NOTCH3: variants seen among roughly 807,000 people sequenced by gnomAD.
NOTCH3 encodes the protein neurogenic locus notch homolog protein 3.
NOTCH3 carries 86 observed loss-of-function variants against 213.3 expected under a neutral mutation model. That is an observed-to-expected ratio of 0.40 (90% confidence interval 0.34 to 0.48). The LOEUF (loss-of-function observed/expected upper bound fraction) is 0.48, where lower values mean the gene tolerates loss of function less well. Ranked by LOEUF, NOTCH3 falls within the 20% of genes least tolerant of loss-of-function variation. The pLI is 0.57. For synonymous variants in NOTCH3, 1,354 were observed against 1,355.9 expected (o/e 1.00, Z 0.03); for missense variants, 2,783 against 3,272.6 (o/e 0.85, Z 3.65).
chr19:15,183,691 G>A (rs766607340), intron 16 of NOTCH3, among the ~76,000 whole-genome samples: 6 of 152,058 alleles, frequency 3.9e-5, no homozygotes, highest in Non-Finnish European at 1.5e-5. Flanking sequence ...GAGCCACCTC[G>A]CCCGGCCTCT....
Position 15,188,014 on chromosome 19 carries a change from G to A in NOTCH3, c.1493-20C>T, listed in dbSNP as rs949781526. 3 of 1,536,518 alleles carry A rather than the reference G, an allele frequency of 2.0e-6. No individual in the cohort carries two copies. Among genetic ancestry groups the A allele is most frequent in the South Asian group, 1.2e-5 (1 of 83,716 alleles). On this transcript the variant is annotated intron_variant, in intron 9 of 32. Coordinates refer to ENST00000263388, the MANE Select transcript of NOTCH3 (RefSeq NM_000435.3). The stretch of plus-strand genomic sequence containing the variant: ...TGAAGCCTGGGGTGGGGAGTGGGAT[G>A]AGCAGAGGCCCAGAAAGGGTGAGAG...
At chr19:15,176,554 G>A (rs936463151) in intron 24 of NOTCH3, among the ~76,000 whole-genome samples, 6 of 151,912 alleles carry the variant, frequency 3.9e-5, no homozygotes, top group Non-Finnish European at 8.8e-5. Flanking sequence ...TTGAGCTCAG[G>A]TGTTCAAGAC....
chr19:15,169,190 CT>C, intron 28 of NOTCH3, among the ~76,000 whole-genome samples: 1 of 2,772 alleles, frequency 3.6e-4, no homozygotes, highest in African/African-American at 1.2e-3. Flanking sequence ...AAATCTGTCT[CT>C]CTCTCTCTCT....
Position 15,181,712 on chromosome 19 carries a change from G to C in NOTCH3, c.2656C>G (p.Arg886Gly). The C allele has an allele frequency of 1.3e-6, 2 of 1,568,822 alleles. No individual in the cohort carries two copies. The highest frequency in any genetic ancestry group is 1.7e-6 in the Non-Finnish European group (2 of 1,156,378). ...TTGCTCAGGCACTCATCCACATCGC[G>C]GGCGCATCGTGGGCCGGCGAAACCA... Reference protein sequence around the residue: ...LPGFAGPRCARDVDECLSNPC... With the variant: ...LPGFAGPRCAGDVDECLSNPC... The change falls in exon 17 of 33, where the codon CGC (arginine) becomes GGC (glycine). Residue 886 changes from arginine (R) to glycine (G), a missense_variant. Arg to Gly is a moderately radical substitution (Grantham distance 125). Transcript: ENST00000263388.
intron 2 of NOTCH3, among the ~76,000 whole-genome samples, chr19:15,194,623 G>A (rs1351608869): frequency 2.6e-5 from 4 of 152,086 alleles, no homozygotes; most frequent in African/African-American, 9.7e-5. Context: ...GGCTTTCTGG[G>A]GAACGGCATT....
chr19:15,178,474 T>A, intron 23 of NOTCH3: 1 of 447,310 alleles, frequency 2.2e-6, no homozygotes, highest in Non-Finnish European at 4.2e-6. Flanking sequence ...AACCTCCGCC[T>A]CCCGGGTTCA....
chr19:15,187,881 C>G lies in NOTCH3; in HGVS notation c.1606G>C (p.Gly536Arg), dbSNP rs1310346708. The G allele has an allele frequency of 6.5e-7, 1 of 1,548,546 alleles. No homozygotes were observed. ...PDGYECRCAE[G>R]FEGTLCDRNV... The stretch of plus-strand genomic sequence containing the variant: ...TCGGACTGTCATTGGCCCGCCTCAC[C>G]CTCGGCACAGCGGCACTCGTAGCCA... Residue 536 changes from glycine to arginine, a missense_variant and splice_region_variant, in exon 10 of 33, where the codon GGC (glycine) becomes CGC (arginine). Gly to Arg is a moderately radical substitution (Grantham distance 125, BLOSUM62 -2). Around this residue, in one of 6 missense-constraint regions of NOTCH3, gnomAD observed 708 missense variants for 906.6 expected, o/e 0.78. Transcript: ENST00000263388.
intron 24 of NOTCH3, among the ~76,000 whole-genome samples, chr19:15,176,801 G>A (rs527507205): frequency 1.4e-3 from 210 of 149,562 alleles, no homozygotes; most frequent in African/African-American, 4.7e-3. Flanking sequence ...AGCCAGGTGC[G>A]GTGGCTCACA....
chr19:15,162,486 A>C lies in NOTCH3; in HGVS notation c.5892T>G (p.Asn1964Lys). The change falls in exon 32 of 33, where the codon AAT becomes AAG. Residue 1964 changes from asparagine to lysine, a missense_variant. Asn to Lys is a moderately conservative substitution (Grantham distance 94, BLOSUM62 0). This residue lies in a region of NOTCH3 where 636 missense variants were observed against 801.8 expected (regional missense o/e 0.79). Coordinates refer to ENST00000263388, the MANE Select transcript of NOTCH3 (RefSeq NM_000435.3). Reference protein sequence around the residue: ...ATLALLKNGANKDMQDSKEET... With the variant: ...ATLALLKNGAKKDMQDSKEET... Reference sequence around the variant, plus strand: ...TCACCTTGCTATCCTGCATGTCCTTATTGGCTCCATTTTTGAGCAGGGCCA... The same window carrying C: ...TCACCTTGCTATCCTGCATGTCCTTCTTGGCTCCATTTTTGAGCAGGGCCA... 6.2e-7 allele frequency: 1 copy of C among 1,613,634 alleles called. No homozygotes were observed. The highest frequency in any genetic ancestry group is 8.5e-7 in the Non-Finnish European group (1 of 1,179,940).
chr19:15,161,760 G>T (rs1194774129), intron 32 of NOTCH3, 46 bp from the exon 33 acceptor site: 3 of 1,561,482 alleles, frequency 1.9e-6, no homozygotes, highest in Admixed American at 3.4e-5. Context: ...CCAGCTAACA[G>T]TAGCAAAGTC....
At position 15,179,137 on chromosome 19, in the gene NOTCH3, G is replaced by A. The variant is rs748691970; in HGVS notation, c.3606C>T (p.Cys1202=). The change falls in exon 22 of 33, where the codon TGC becomes TGT. Residue 1202 remains cysteine, a synonymous_variant. Coordinates refer to ENST00000263388, the MANE Select transcript of NOTCH3 (RefSeq NM_000435.3). ...AGCGACACTCATTGATGTCTGCCTCGCAGCGCAAACCAGTGTATCCTGGGG... is the reference window on the plus strand; with the variant it reads ...AGCGACACTCATTGATGTCTGCCTCACAGCGCAAACCAGTGTATCCTGGGG... The part of the protein sequence containing the change: ...TCPPGYTGLR[C]EADINECRSG... 89 of 1,614,046 alleles carry A rather than the reference G, an allele frequency of 5.5e-5. No homozygotes were observed. The highest frequency in any genetic ancestry group is 7.1e-5 in the Non-Finnish European group (84 of 1,180,036).
At position 15,192,130 on chromosome 19, in the gene NOTCH3, T is replaced by C. The variant is rs147373451; in HGVS notation, c.509A>G (p.His170Arg). The C allele has an allele frequency of 2.9e-3, 4,666 of 1,612,974 alleles. 11 individuals are homozygous for C. Among genetic ancestry groups the C allele is most frequent in the South Asian group, 4.2e-3 (387 of 91,084 alleles). ...AGGTGTGTTGAGGCAGGTGCCACCA[T>C]GGCGGCAGGGCTCACCCACCCGGCA... ...DECRVGEPCR[H>R]GGTCLNTPGS... Residue 170 changes from histidine to arginine, a missense_variant, in exon 4 of 33, where the codon CAT becomes CGT. This residue lies in a region of NOTCH3 where 708 missense variants were observed against 906.6 expected (regional missense o/e 0.78). Transcript: ENST00000263388.
At position 15,160,387 on chromosome 19, in the gene NOTCH3, A is replaced by C. The variant is rs989985008; in HGVS notation, c.*275T>G. ...AAATGAGAGGCCAGAAGGAGAGAGA[A>C]AGGAATGAGGGAAGAGAGAAGTGGG... On this transcript the variant is annotated 3_prime_UTR_variant, in exon 33 of 33. Transcript: ENST00000263388. 6.9e-5 allele frequency: 33 copies of C among 481,130 alleles called. No homozygotes were observed. In the East Asian group the frequency reaches 1.0e-3, roughly 15 times the overall value. 29.8% of individuals were successfully genotyped at this position (481,130 alleles called of 1,614,324 possible).
Position 15,177,850 on chromosome 19 carries a change from G to A in NOTCH3, c.4078C>T (p.Arg1360Cys). 1 of 1,220,188 alleles carries A rather than the reference G, an allele frequency of 8.2e-7. No individual in the cohort carries two copies. The highest frequency in any genetic ancestry group is 1.0e-6 in the Non-Finnish European group (1 of 982,136). The allele number at this position is 1,220,188 out of a possible 1,614,324, so 75.6% of individuals were successfully genotyped here. ...CRPAPLAPFF[R>C]CACAQGWTGP... ...GTCCAGCCCTGCGCGCAAGCGCAGC[G>A]GAAGAAGGGCGCGAGCGGCGCGGGG... The change falls in exon 24 of 33, where the codon CGC becomes TGC. Residue 1360 changes from arginine (R) to cysteine (C), a missense_variant. Transcript: ENST00000263388.
rs369417981 is a variant in NOTCH3, at chr19:15,174,055, T to TG, written c.4736+12dup. The TG allele has an allele frequency of 7.0e-4, 1,081 of 1,548,060 alleles. 6 individuals carry two copies. In the African/African-American group the frequency reaches 0.013, roughly 19 times the overall value. On this transcript the variant is annotated intron_variant, in intron 25 of 32. Transcript: ENST00000263388. ...CCCCAGCCACCACGGCTTTTCCAGG[T>TG]GGGGTCACTCACCCGATCACCTCGG...
At chr19:15,179,570 C>T (rs376085206) in intron 20 of NOTCH3, 74 bp from the exon 21 acceptor site, 1 of 1,512,102 alleles carries the variant, frequency 6.6e-7, no homozygotes, top group Non-Finnish European at 9.1e-7. Flanking sequence ...CATGAAGACG[C>T]AAAGAACCCC....
At chr19:15,173,977 G>A in intron 25 of NOTCH3, 91 bp downstream of exon 25, 6 of 1,125,128 alleles carry the variant, frequency 5.3e-6, no homozygotes, top group South Asian at 3.1e-5. Context: ...GGTGGGTAAA[G>A]GCATTAAGTG....
At chr19:15,191,712 T>G in intron 5 of NOTCH3, 33 bp downstream of exon 5, 1 of 1,613,572 alleles carries the variant, frequency 6.2e-7, no homozygotes, top group Non-Finnish European at 8.5e-7. Context: ...ACCCGAGGCC[T>G]GCCTCCCCGC....
intron 6 of NOTCH3, among the ~76,000 whole-genome samples, chr19:15,189,655 T>C (rs1484541332): frequency 6.6e-6 from 1 of 152,110 alleles, no homozygotes. Context: ...GTAGCTGGGA[T>C]TACAGGCATG....
Sources: allele counts gnomAD v4.1 joint callset (sites outside exome capture counted in the v4.1 genomes callset), GRCh38; gene constraint gnomAD v4.1.1; regional missense constraint gnomAD v4.1.1; transcripts MANE v1.5; gene names NCBI Gene and HGNC (gene_info 2026-07-23, HGNC 2026-07-21).